SLC25A31: variants seen among roughly 807,000 people sequenced by gnomAD.
SLC25A31 encodes ADP/ATP translocase 4.
In SLC25A31, 40 loss-of-function variants were observed where a neutral mutation model predicts 36.2. The ratio of observed to expected loss-of-function variants is 1.10; its 90% CI spans 0.86 to 1.44. The LOEUF is 1.44. SLC25A31 is among the 40% of genes most tolerant of loss of function. The pLI is 0.00. For synonymous variants in SLC25A31, 143 were observed against 149.7 expected, an observed-to-expected ratio of 0.96 and a Z score of 0.32; for missense variants, 350 against 397.1, an observed-to-expected ratio of 0.88 and a Z score of 1.01.
At chr4:127,747,444 G>A (rs1387527682) in intron 2 of SLC25A31, among the ~76,000 whole-genome samples, 1 of 152,038 alleles carries the variant, frequency 6.6e-6, no homozygotes, top group Middle Eastern at 3.2e-3. Context: ...GGTGAAAGAT[G>A]AGAATTACAA....
chr4:127,737,759 G>GT (rs999326728), intron 1 of SLC25A31, among the ~76,000 whole-genome samples: 1 of 151,882 alleles, frequency 6.6e-6, no homozygotes, highest in Non-Finnish European at 1.5e-5. Flanking sequence ...GGGTCTCACT[G>GT]TGTTACCCAG....
intron 2 of SLC25A31, among the ~76,000 whole-genome samples, chr4:127,756,687 T>C (rs893933186): frequency 2.0e-5 from 3 of 152,210 alleles, no homozygotes; most frequent in Non-Finnish European, 4.4e-5. Flanking sequence ...CCCATAAATA[T>C]ATACAATTAT....
intron 1 of SLC25A31, among the ~76,000 whole-genome samples, chr4:127,735,880 A>ATTAT (rs1731618173): frequency 2.9e-5 from 2 of 70,050 alleles, no homozygotes; most frequent in East Asian, 8.9e-4. Flanking sequence ...TTATTTATTT[A>ATTAT]TTTATTTATT....
intron 2 of SLC25A31, among the ~76,000 whole-genome samples, chr4:127,754,064 T>C (rs913535334): frequency 6.6e-6 from 1 of 152,090 alleles, no homozygotes; most frequent in Non-Finnish European, 1.5e-5. Flanking sequence ...TAGCAGCATC[T>C]GAGTAGATGT....
At chr4:127,752,145 A>G (rs528730150) in intron 2 of SLC25A31, among the ~76,000 whole-genome samples, 2 of 152,314 alleles carry the variant, frequency 1.3e-5, no homozygotes, top group African/African-American at 4.8e-5. Flanking sequence ...CACTATTCAC[A>G]ATAGCAAAGA....
At chr4:127,758,218 A>T (rs964631305) in intron 2 of SLC25A31, among the ~76,000 whole-genome samples, 1 of 152,156 alleles carries the variant, frequency 6.6e-6, no homozygotes, top group African/African-American at 2.4e-5. Flanking sequence ...CGGTGAGGAC[A>T]CAGCCAAACC....
rs1018373016 is a variant in SLC25A31, at chr4:127,768,844, C to T, written c.726C>T (p.Pro242=). 12 of 1,604,364 alleles carry T rather than the reference C, an allele frequency of 7.5e-6. No homozygotes were observed. The highest frequency in any genetic ancestry group is 1.3e-5 in the African/African-American group (1 of 74,562). ...CATGCTCTGGAATACTTTCTTATCC[C>T]TTTGACACAGTTAGAAGACGTATGA... ...VTTCSGILSY[P]FDTVRRRMMM... The change falls in exon 5 of 6, where the codon CCC becomes CCT. Residue 242 remains proline (P), a synonymous_variant. Transcript: ENST00000281154.
chr4:127,737,956 TCTC>T (rs2148753671), intron 1 of SLC25A31, among the ~76,000 whole-genome samples: 1 of 24,412 alleles, frequency 4.1e-5, no homozygotes, highest in Non-Finnish European at 1.1e-4. Flanking sequence ...ACCCATAATA[TCTC>T]ATACCAGTCA....
In SLC25A31 at chr4:127,773,551, C is replaced by T. The variant is rs145179975; in HGVS notation, c.925C>T (p.His309Tyr). The T allele has an allele frequency of 1.0e-3, 1,672 of 1,599,782 alleles. 3 individuals carry two copies. The highest frequency in any genetic ancestry group is 1.4e-3 in the Non-Finnish European group (1,606 of 1,175,092). The change falls in exon 6 of 6, where the codon CAT (histidine) becomes TAT (tyrosine). Residue 309 changes from histidine (H) to tyrosine (Y), a missense_variant. His to Tyr is a moderately conservative substitution (Grantham distance 83). Transcript: ENST00000281154. ...VLYDKIKEFF[H>Y]IDIGGR ...ATATGATAAAATTAAAGAATTCTTT[C>T]ATATTGATATTGGTGGTAGGTAATC...
intron 2 of SLC25A31, among the ~76,000 whole-genome samples, chr4:127,762,923 C>CAA (rs372222384): frequency 1.4e-5 from 1 of 72,218 alleles, no homozygotes; most frequent in Non-Finnish European, 2.9e-5. Flanking sequence ...GACTCTGTCT[C>CAA]AAAAAAAAAA....
At chr4:127,759,212 G>T (rs1394785241) in intron 2 of SLC25A31, among the ~76,000 whole-genome samples, 20 of 136,630 alleles carry the variant, frequency 1.5e-4, no homozygotes, top group Non-Finnish European at 2.6e-4. Context: ...TATTCCTATG[G>T]TTTTTTTTTT....
At chr4:127,749,794 G>T (rs1052130200) in intron 2 of SLC25A31, among the ~76,000 whole-genome samples, 5 of 151,470 alleles carry the variant, frequency 3.3e-5, no homozygotes, top group Admixed American at 6.6e-5. Flanking sequence ...TGGTTATCCT[G>T]AATACTTGAG....
chr4:127,746,915 T>G (rs1265877233), intron 2 of SLC25A31, among the ~76,000 whole-genome samples: 3 of 152,202 alleles, frequency 2.0e-5, no homozygotes, highest in African/African-American at 7.2e-5. Context: ...GGTTTTTCAT[T>G]TAAGTCTTTA....
At position 127,744,786 on chromosome 4, in the gene SLC25A31, A is replaced by G; in HGVS notation, c.347A>G (p.Asn116Ser). The G allele has an allele frequency of 6.5e-7, 1 of 1,527,602 alleles. No individual in the cohort carries two copies. Among genetic ancestry groups the G allele is most frequent in the South Asian group, 1.3e-5 (1 of 75,896 alleles). The allele number at this position is 1,527,602 out of a possible 1,614,324, so 94.6% of individuals were successfully genotyped here. The change falls in exon 2 of 6, where the codon AAT (asparagine) becomes AGT (serine). Residue 116 changes from asparagine to serine, a missense_variant. By Grantham distance (46) the Asn-to-Ser change is conservative (BLOSUM62 1). Transcript: ENST00000281154. Reference sequence around the variant, plus strand: ...AAGCAGCTATTCATGTCTGGAGTTAATAAAGAAAAACAGGTAATTATATTT... The same window carrying G: ...AAGCAGCTATTCATGTCTGGAGTTAGTAAAGAAAAACAGGTAATTATATTT... The part of the protein sequence containing the change: ...KYKQLFMSGV[N>S]KEKQFWRWFL...
At chr4:127,761,208 T>C (rs533789244) in intron 2 of SLC25A31, among the ~76,000 whole-genome samples, 36 of 152,288 alleles carry the variant, frequency 2.4e-4, no homozygotes, top group Admixed American at 2.2e-3. Flanking sequence ...CCTGTCGTTT[T>C]TTCATAGCTC....
At chr4:127,770,949 C>CTTTTTTTTT (rs558206857) in intron 5 of SLC25A31, among the ~76,000 whole-genome samples, 53 of 80,800 alleles carry the variant, frequency 6.6e-4, no homozygotes, top group Non-Finnish European at 8.0e-4. Context: ...TCTTCTTCTT[C>CTTTTTTTTT]TTTTTTTTTT....
intron 2 of SLC25A31, among the ~76,000 whole-genome samples, chr4:127,760,179 C>A (rs1732100951): frequency 6.6e-6 from 1 of 152,300 alleles, no homozygotes. Context: ...ATGCTTAGTA[C>A]ACTGAGGATA....
intron 1 of SLC25A31, among the ~76,000 whole-genome samples, chr4:127,740,459 C>T (rs1218224958): frequency 6.6e-6 from 1 of 152,094 alleles, no homozygotes; most frequent in Non-Finnish European, 1.5e-5. Flanking sequence ...AACCTACAGG[C>T]CAGTAGATAG....
intron 1 of SLC25A31, among the ~76,000 whole-genome samples, chr4:127,743,066 CAGAA>C (rs1731760431): frequency 6.6e-6 from 1 of 151,256 alleles, no homozygotes; most frequent in South Asian, 2.1e-4. Flanking sequence ...TGGAGTCAGA[CAGAA>C]AGCCTGATTT....
Sources: allele counts gnomAD v4.1 joint callset (sites outside exome capture counted in the v4.1 genomes callset), GRCh38; gene constraint gnomAD v4.1.1; transcripts MANE v1.5; gene names NCBI Gene and HGNC (gene_info 2026-07-23, HGNC 2026-07-21).